Variants in FMN1 observed in about 807,000 individuals in gnomAD.
The protein encoded by FMN1 is formin 1.
In FMN1, 110 loss-of-function variants were observed where a neutral mutation model predicts 132.4. The ratio of observed to expected loss-of-function variants is 0.83; its 90% CI spans 0.71 to 0.97. The LOEUF is 0.97. Ranked by LOEUF, FMN1 falls within the 50% of genes least tolerant of loss-of-function variation. The pLI is 0.00. For synonymous variants in FMN1, 722 were observed against 651.7 expected (o/e 1.11, Z -1.64); for missense variants, 1,792 against 1,705.3 (o/e 1.05, Z -0.90).
intron 6 of FMN1, among the ~76,000 whole-genome samples, chr15:33,011,925 C>A (rs1296845297): frequency 6.6e-6 from 1 of 152,216 alleles, no homozygotes; most frequent in Non-Finnish European, 1.5e-5. Context: ...CTTCCATACA[C>A]TTCACTTACA....
intron 2 of FMN1, among the ~76,000 whole-genome samples, chr15:33,186,073 C>G (rs998284730): frequency 2.0e-5 from 3 of 151,978 alleles, no homozygotes; most frequent in Non-Finnish European, 4.4e-5. Flanking sequence ...TTCAATGCAA[C>G]CTTTGTGAAT....
At chr15:33,003,544 AG>A (rs1270019066) in intron 7 of FMN1, among the ~76,000 whole-genome samples, 1 of 152,244 alleles carries the variant, frequency 6.6e-6, no homozygotes, top group Non-Finnish European at 1.5e-5. Context: ...ATGAAATAAA[AG>A]AGGATACAAA....
chr15:33,016,760 C>T (rs1045332232), intron 6 of FMN1, among the ~76,000 whole-genome samples: 2 of 152,180 alleles, frequency 1.3e-5, no homozygotes, highest in Non-Finnish European at 2.9e-5. Flanking sequence ...TAAGCCTCAC[C>T]CCTCCTTCTT....
At chr15:32,980,841 T>C (rs888940690) in intron 7 of FMN1, among the ~76,000 whole-genome samples, 5 of 152,054 alleles carry the variant, frequency 3.3e-5, no homozygotes, top group African/African-American at 9.7e-5. Flanking sequence ...CAAAACCCCA[T>C]CTCTACTAGT....
At chr15:32,934,167 TAAAAC>T in intron 9 of FMN1, among the ~76,000 whole-genome samples, 1 of 152,168 alleles carries the variant, frequency 6.6e-6, no homozygotes, top group Non-Finnish European at 1.5e-5. Flanking sequence ...GAGACTTACA[TAAAAC>T]ATTTTATAGG....
At chr15:33,101,588 C>G (rs2039296439) in intron 4 of FMN1, among the ~76,000 whole-genome samples, 2 of 152,160 alleles carry the variant, frequency 1.3e-5, no homozygotes, top group Non-Finnish European at 2.9e-5. Flanking sequence ...TCCCTGCCCC[C>G]TAACTCAAAT....
Position 32,897,561 on chromosome 15 carries a change from T to C in FMN1, c.3714+1273A>G, listed in dbSNP as rs535413164. On this transcript the variant is annotated intron_variant, in intron 15 of 20. Coordinates refer to ENST00000616417, the MANE Select transcript of FMN1 (RefSeq NM_001277313.2). ...CAGGGTGTGTGTGGAAAACATCAGG[T>C]CTTGAGTTGGATCACAGAATACGTG... 9.2e-5 allele frequency among the ~76,000 whole-genome samples: 14 copies of C among 152,190 alleles called. No individual in the cohort carries two copies. In the South Asian group the frequency reaches 2.9e-3, roughly 32 times the overall value.
chr15:32,926,841 G>C (rs2060974299), intron 9 of FMN1, among the ~76,000 whole-genome samples: 1 of 152,174 alleles, frequency 6.6e-6, no homozygotes, highest in African/African-American at 2.4e-5. Flanking sequence ...CTGGAGTGCA[G>C]TGGTGTGATC....
chr15:33,019,349 G>A (rs912252517), intron 6 of FMN1, among the ~76,000 whole-genome samples: 5 of 152,154 alleles, frequency 3.3e-5, no homozygotes, highest in Non-Finnish European at 5.9e-5. Flanking sequence ...GTGCCAATTG[G>A]TGCATTCACA....
chr15:33,058,055 T>C (rs553259787), intron 6 of FMN1, among the ~76,000 whole-genome samples: 97 of 141,030 alleles, frequency 6.9e-4, no homozygotes, highest in Non-Finnish European at 1.0e-3. Flanking sequence ...GGTGGAAAGG[T>C]GTGGTGGGGC....
chr15:32,776,966 G>A (rs939480146), intron 19 of FMN1, 47 bp from the exon 20 acceptor site: 8 of 1,169,040 alleles, frequency 6.8e-6, no homozygotes, highest in Middle Eastern at 1.9e-4. Context: ...GAAAAGAAAG[G>A]AAGAGGGAAA....
chr15:32,831,436 G>A (rs2058498821), intron 17 of FMN1, among the ~76,000 whole-genome samples: 1 of 152,076 alleles, frequency 6.6e-6, no homozygotes, highest in Non-Finnish European at 1.5e-5. Flanking sequence ...AAAACAGGTG[G>A]GGCTTGATGG....
chr15:33,096,267 G>C (rs1429351685), intron 4 of FMN1, among the ~76,000 whole-genome samples: 2 of 152,176 alleles, frequency 1.3e-5, no homozygotes, highest in African/African-American at 4.8e-5. Flanking sequence ...CAGGTGTTTG[G>C]TCTAACAATT....
At chr15:33,038,625 ATAAT>A (rs1013824166) in intron 6 of FMN1, among the ~76,000 whole-genome samples, 61 of 152,386 alleles carry the variant, frequency 4.0e-4, no homozygotes, top group African/African-American at 1.5e-3. Context: ...GTAAGATTTA[ATAAT>A]TAGTCAACAT....
At chr15:32,841,685 A>C (rs1452939249) in intron 17 of FMN1, among the ~76,000 whole-genome samples, 2 of 152,190 alleles carry the variant, frequency 1.3e-5, no homozygotes, top group Admixed American at 6.5e-5. Context: ...TGAGGCTAGT[A>C]TTTATGAAGC....
At chr15:33,081,701 C>T (rs1010924353) in intron 5 of FMN1, among the ~76,000 whole-genome samples, 2 of 152,152 alleles carry the variant, frequency 1.3e-5, no homozygotes, top group Admixed American at 1.3e-4. Flanking sequence ...GTACTTGAGT[C>T]TAGACTCAGA....
chr15:32,785,644 T>G (rs1169514434), intron 19 of FMN1, among the ~76,000 whole-genome samples: 2 of 152,174 alleles, frequency 1.3e-5, no homozygotes, highest in Non-Finnish European at 2.9e-5. Context: ...AATACATTAC[T>G]TGCTTTTGTA....
At chr15:32,887,103 G>A (rs1217811478) in intron 16 of FMN1, among the ~76,000 whole-genome samples, 1 of 151,950 alleles carries the variant, frequency 6.6e-6, no homozygotes, top group African/African-American at 2.4e-5. Context: ...AAAATAAATG[G>A]CTCTCTTTGC....
chr15:33,093,169 G>C (rs1286759566), intron 4 of FMN1, among the ~76,000 whole-genome samples: 4 of 152,130 alleles, frequency 2.6e-5, no homozygotes, highest in African/African-American at 4.8e-5. Flanking sequence ...CAGCAATGAC[G>C]AAGTGGTTAT....
Sources: gnomAD v4.1 joint callset for allele counts (sites outside exome capture counted in the v4.1 genomes callset) on GRCh38, gnomAD v4.1.1 for gene constraint, MANE v1.5 for transcripts, NCBI Gene and HGNC (gene_info 2026-07-23, HGNC 2026-07-21) for gene names.